GABRB2: variants seen among roughly 807,000 people sequenced by gnomAD.
GABRB2 encodes the protein gamma-aminobutyric acid receptor subunit beta-2.
A neutral mutation model predicts 54.7 loss-of-function variants in GABRB2; 16 were observed. That is an observed-to-expected ratio of 0.29 (90% CI 0.20 to 0.44). GABRB2 has a LOEUF of 0.44. GABRB2 is among the 20% of genes least tolerant of loss of function. The probability of loss-of-function intolerance (pLI) is 1.00; values close to 1 mark genes in which losing one functional copy is unlikely to be tolerated. For missense variants in GABRB2, 355 were observed against 644.0 expected, an observed-to-expected ratio of 0.55 and a Z score of 4.86; for synonymous variants, 244 against 233.8, an observed-to-expected ratio of 1.04 and a Z score of -0.40.
At chr5:161,469,686 CACAT>C (rs1758383689) in intron 3 of GABRB2, among the ~76,000 whole-genome samples, 4 of 136,410 alleles carry the variant, frequency 2.9e-5, no homozygotes, top group African/African-American at 1.1e-4. Context: ...CATACACATA[CACAT>C]ACACATACAC....
At chr5:161,453,664 AAGACAGTGAG>A (rs1757859431) in intron 4 of GABRB2, among the ~76,000 whole-genome samples, 8 of 152,194 alleles carry the variant, frequency 5.3e-5, no homozygotes, top group Admixed American at 5.2e-4. Context: ...CAAATCAACT[AAGACAGTGAG>A]GATTTTGTAT....
At chr5:161,373,575 C>T (rs1207373523) in intron 5 of GABRB2, among the ~76,000 whole-genome samples, 1 of 152,158 alleles carries the variant, frequency 6.6e-6, no homozygotes, top group East Asian at 1.9e-4. Flanking sequence ...CTCACTGTCT[C>T]TTGATAACAG....
intron 3 of GABRB2, among the ~76,000 whole-genome samples, chr5:161,533,627 A>G (rs1222412624): frequency 1.3e-5 from 2 of 152,144 alleles, no homozygotes; most frequent in African/African-American, 4.8e-5. Context: ...CAAATAATCT[A>G]TAGCAGAAAT....
chr5:161,515,532 G>C (rs1759915385), intron 3 of GABRB2, among the ~76,000 whole-genome samples: 1 of 151,978 alleles, frequency 6.6e-6, no homozygotes, highest in South Asian at 2.1e-4. Flanking sequence ...TTAAGGTCTG[G>C]TATGCTTCAC....
At chr5:161,376,269 T>C (rs1561627998) in intron 5 of GABRB2, among the ~76,000 whole-genome samples, 1 of 152,176 alleles carries the variant, frequency 6.6e-6, no homozygotes, top group Non-Finnish European at 1.5e-5. Flanking sequence ...GATGGACAGA[T>C]AACTAATTAA....
intron 5 of GABRB2, among the ~76,000 whole-genome samples, chr5:161,346,060 G>T (rs1195601735): frequency 6.6e-6 from 1 of 152,110 alleles, no homozygotes; most frequent in East Asian, 1.9e-4. Context: ...CCACGCACTT[G>T]TGTCAGAGTA....
intron 4 of GABRB2, among the ~76,000 whole-genome samples, chr5:161,436,739 A>T (rs2113194926): frequency 6.6e-6 from 1 of 152,258 alleles, no homozygotes; most frequent in East Asian, 1.9e-4. Flanking sequence ...GGCACTGAAG[A>T]GATGGAAAAA....
At chr5:161,476,475 C>A (rs1038619979) in intron 3 of GABRB2, among the ~76,000 whole-genome samples, 15 of 151,652 alleles carry the variant, frequency 9.9e-5, no homozygotes, top group African/African-American at 3.6e-4. Flanking sequence ...TCAATATACC[C>A]CAAATAAACA....
At chr5:161,306,751 C>T (rs1441614721) in intron 9 of GABRB2, among the ~76,000 whole-genome samples, 2 of 151,708 alleles carry the variant, frequency 1.3e-5, no homozygotes, top group Admixed American at 1.3e-4. Flanking sequence ...AAAGTTTTGA[C>T]ACACGTTTAA....
chr5:161,507,289 G>A (rs1759634596), intron 3 of GABRB2, among the ~76,000 whole-genome samples: 1 of 151,964 alleles, frequency 6.6e-6, no homozygotes. Context: ...TATAAATAAA[G>A]CCTGTTATTT....
chr5:161,343,763 C>T (rs1017217050), intron 5 of GABRB2, among the ~76,000 whole-genome samples: 1 of 152,096 alleles, frequency 6.6e-6, no homozygotes, highest in African/African-American at 2.4e-5. Flanking sequence ...TCCGTCTCTA[C>T]AGAGAACTGA....
intron 3 of GABRB2, among the ~76,000 whole-genome samples, chr5:161,528,740 C>G (rs1314428251): frequency 4.0e-5 from 6 of 151,716 alleles, no homozygotes; most frequent in African/African-American, 1.5e-4. Flanking sequence ...TATGGTACAT[C>G]TAAAATGATT....
chr5:161,298,964 C>T (rs1373858418), intron 9 of GABRB2, among the ~76,000 whole-genome samples: 1 of 152,040 alleles, frequency 6.6e-6, no homozygotes, highest in Non-Finnish European at 1.5e-5. Context: ...TATTTTTATG[C>T]TTTTTCATAC....
chr5:161,428,077 G>GA (rs1194497988), intron 4 of GABRB2, among the ~76,000 whole-genome samples: 3 of 151,940 alleles, frequency 2.0e-5, no homozygotes, highest in Non-Finnish European at 2.9e-5. Context: ...TTCCTGAGAG[G>GA]AAAAAAAGAT....
chr5:161,411,710 TAATA>T (rs1756521304), intron 4 of GABRB2, among the ~76,000 whole-genome samples: 1 of 152,108 alleles, frequency 6.6e-6, no homozygotes, highest in South Asian at 2.1e-4. Flanking sequence ...ATGTTACCAC[TAATA>T]AATAAATACG....
chr5:161,327,484 C>T (rs536867202), intron 8 of GABRB2, among the ~76,000 whole-genome samples: 37 of 152,082 alleles, frequency 2.4e-4, no homozygotes, highest in Admixed American at 2.3e-3. Context: ...GCTATGTGAC[C>T]TTGGCTATTT....
At chr5:161,445,915 G>A (rs925744029) in intron 4 of GABRB2, among the ~76,000 whole-genome samples, 1 of 152,096 alleles carries the variant, frequency 6.6e-6, no homozygotes, top group South Asian at 2.1e-4. Context: ...ATAGGCCACT[G>A]ATAACTCATA....
chr5:161,405,801 G>A (rs1009700850), intron 5 of GABRB2, among the ~76,000 whole-genome samples: 1 of 151,938 alleles, frequency 6.6e-6, no homozygotes, highest in Admixed American at 6.6e-5. Context: ...AGCAAATTTG[G>A]ATGTAATACC....
At chr5:161,386,387 G>A (rs990254704) in intron 5 of GABRB2, among the ~76,000 whole-genome samples, 2 of 152,068 alleles carry the variant, frequency 1.3e-5, no homozygotes, top group Admixed American at 1.3e-4. Context: ...AATGTAGACT[G>A]CGAACTCCCC....
Sources: allele counts gnomAD v4.1 joint callset (sites outside exome capture counted in the v4.1 genomes callset), GRCh38; gene constraint gnomAD v4.1.1; transcripts MANE v1.5; gene names NCBI Gene and HGNC (gene_info 2026-07-23, HGNC 2026-07-21).